Variants in FANCI observed in about 807,000 individuals in gnomAD.
FANCI encodes FA complementation group I.
In FANCI, 156 loss-of-function variants were observed where a neutral mutation model predicts 176.1. The ratio of observed to expected loss-of-function variants is 0.89; its 90% CI spans 0.78 to 1.01. The LOEUF (loss-of-function observed/expected upper bound fraction) is 1.01, where lower values mean the gene tolerates loss of function less well. FANCI is among the 50% of genes least tolerant of loss of function. The pLI is 0.00. For synonymous variants in FANCI, 613 were observed against 541.7 expected, an observed-to-expected ratio of 1.13 and a Z score of -1.83; for missense variants, 1,678 against 1,534.1, an observed-to-expected ratio of 1.09 and a Z score of -1.57.
At chr15:89,286,612 G>T (rs563042492) in intron 18 of FANCI, among the ~76,000 whole-genome samples, 2 of 152,066 alleles carry the variant, frequency 1.3e-5, no homozygotes, top group Non-Finnish European at 2.9e-5. Flanking sequence ...AGCAAACCAT[G>T]CTATAAACAG....
chr15:89,313,971 A>C (rs1424393656), intron 35 of FANCI, among the ~76,000 whole-genome samples: 1 of 140,014 alleles, frequency 7.1e-6, no homozygotes, highest in Non-Finnish European at 1.5e-5. Context: ...AAAGATATAT[A>C]ATCACACACA....
In FANCI at chr15:89,293,083, C is replaced by A. The variant is rs755079647; in HGVS notation, c.2291+20C>A. On this transcript the variant is annotated intron_variant, in intron 22 of 37. Coordinates refer to ENST00000310775, the MANE Select transcript of FANCI (RefSeq NM_001113378.2). Reference sequence around the variant, plus strand: ...TTTCAGGTAAGGTTTTGCTATAACTCCATTTGTAATTTGATGAATTCTCCA... The same window carrying A: ...TTTCAGGTAAGGTTTTGCTATAACTACATTTGTAATTTGATGAATTCTCCA... The A allele has an allele frequency of 8.7e-6, 14 of 1,611,228 alleles. No individual in the cohort carries two copies. In the East Asian group the frequency reaches 3.1e-4, roughly 36 times the overall value.
At chr15:89,296,485 A>G (rs1288287594) in intron 24 of FANCI, among the ~76,000 whole-genome samples, 1 of 151,978 alleles carries the variant, frequency 6.6e-6, no homozygotes, top group Non-Finnish European at 1.5e-5. Flanking sequence ...GACACAGCAC[A>G]TGTTTCAGAG....
At chr15:89,253,401 CACTTTGGGAGG>C (rs2052347346) in intron 2 of FANCI, among the ~76,000 whole-genome samples, 1 of 152,028 alleles carries the variant, frequency 6.6e-6, no homozygotes, top group Admixed American at 6.6e-5. Context: ...GTAATCCCAG[CACTTTGGGAGG>C]CTGAGGTGGG....
chr15:89,315,127 T>A (rs2055173590), intron 36 of FANCI, among the ~76,000 whole-genome samples, 155 bp from the exon 37 acceptor site: 1 of 152,134 alleles, frequency 6.6e-6, no homozygotes, highest in South Asian at 2.1e-4. Context: ...GTTCTTGATC[T>A]GATGACCTGA....
intron 24 of FANCI, among the ~76,000 whole-genome samples, chr15:89,299,064 C>A (rs2054426945): frequency 6.6e-6 from 1 of 151,808 alleles, no homozygotes; most frequent in Admixed American, 6.6e-5. Flanking sequence ...GTCCCAGCTA[C>A]TCAGGAAGCT....
Position 89,292,723 on chromosome 15 carries a change from C to A in FANCI, c.2028C>A (p.Ala676=). The A allele has an allele frequency of 6.2e-7, 1 of 1,613,690 alleles. No individual in the cohort carries two copies. The highest frequency in any genetic ancestry group is 8.5e-7 in the Non-Finnish European group (1 of 1,179,938). Residue 676 remains alanine (A), a synonymous_variant, in exon 21 of 38, where the codon GCC becomes GCA. Transcript: ENST00000310775. ...TGTGTTGTATTCAGCATTGTTTGGC[C>A]TGGTATAAGAATACAGTCATACCCT... ...YLLCCIQHCL[A]WYKNTVIPLQ... is the part of the protein sequence containing the mutation.
chr15:89,260,053 A>G (rs1350522525), intron 3 of FANCI, among the ~76,000 whole-genome samples: 2 of 152,070 alleles, frequency 1.3e-5, no homozygotes, highest in African/African-American at 4.8e-5. Flanking sequence ...GAAACCGCCA[A>G]ACTGTTTTCC....
intron 24 of FANCI, among the ~76,000 whole-genome samples, chr15:89,295,858 C>G (rs952297753): frequency 1.3e-5 from 2 of 151,954 alleles, no homozygotes; most frequent in African/African-American, 4.8e-5. Flanking sequence ...ACTACAACCC[C>G]TTCCTCCGAG....
intron 10 of FANCI, among the ~76,000 whole-genome samples, chr15:89,269,133 C>T (rs1436079915): frequency 6.6e-6 from 1 of 152,176 alleles, no homozygotes; most frequent in East Asian, 1.9e-4. Context: ...GTTCCCTTCA[C>T]CTAGATTGAC....
At chr15:89,312,559 C>T (rs1461701416) in intron 34 of FANCI, among the ~76,000 whole-genome samples, 1 of 152,192 alleles carries the variant, frequency 6.6e-6, no homozygotes, top group Non-Finnish European at 1.5e-5. Flanking sequence ...GTGGCTTAGG[C>T]CTGTAATCCC....
chr15:89,250,201 C>T (rs1295332507), intron 2 of FANCI, among the ~76,000 whole-genome samples: 2 of 152,134 alleles, frequency 1.3e-5, no homozygotes, highest in African/African-American at 2.4e-5. Context: ...TGGGTATATA[C>T]CCAAAGGACT....
rs764149820 is a variant in FANCI at position 89,299,974 on chromosome 15, T to C, written c.2803+8T>C. 3.7e-6 allele frequency: 6 copies of C among 1,613,736 alleles called. No individual in the cohort carries two copies. The highest frequency in any genetic ancestry group is 2.2e-5 in the East Asian group (1 of 44,864). On this transcript the variant is annotated splice_region_variant and intron_variant, in intron 25 of 37. Transcript: ENST00000310775. The stretch of plus-strand genomic sequence containing the variant: ...AGTTTCTCAGAGCTCTGGGTAAGCA[T>C]TGCAGTATCAATAAATAGGCTTGAT...
intron 34 of FANCI, among the ~76,000 whole-genome samples, chr15:89,308,574 A>C (rs1596329687): frequency 6.6e-6 from 1 of 152,274 alleles, no homozygotes; most frequent in East Asian, 1.9e-4. Context: ...CCTCTGCATC[A>C]CTTACAGGCA....
At chr15:89,301,503 C>T in intron 27 of FANCI, 61 bp downstream of exon 27, 1 of 1,124,106 alleles carries the variant, frequency 8.9e-7, no homozygotes, top group Non-Finnish European at 1.4e-6. Flanking sequence ...ATTATTGCAT[C>T]ATAAAAGTGT....
rs200869762 is a variant in FANCI, at chr15:89,261,888, G to C, written c.503+10G>C. ...CCCTGTGTTCTGGCAGGTGAGTCTT[G>C]TTAATATGTATAACTTTCTTAGGAA... is the stretch of plus-strand genomic sequence containing the variant. On this transcript the variant is annotated intron_variant, in intron 6 of 37. Coordinates refer to ENST00000310775, the MANE Select transcript of FANCI (RefSeq NM_001113378.2). 3 of 1,608,696 alleles carry C rather than the reference G, an allele frequency of 1.9e-6. No homozygotes were observed. Among genetic ancestry groups the C allele is most frequent in the East Asian group, 4.5e-5 (2 of 44,356 alleles).
chr15:89,267,297 G>A (rs532916117), intron 9 of FANCI, among the ~76,000 whole-genome samples: 6 of 150,914 alleles, frequency 4.0e-5, no homozygotes, highest in Admixed American at 1.3e-4. Context: ...TCCATCCTGG[G>A]CAATGGGAGT....
rs1448880215 is a variant in FANCI, at chr15:89,307,643, C to T, written c.3622C>T (p.Leu1208=). ...GCTGTCTGGTTCTCATCTGACCCCC[C>T]TGTGTTATTCTTTCATTTCTTACGT... The part of the protein sequence containing the change: ...VKLSGSHLTP[L]CYSFISYVQN... Residue 1208 remains leucine (L), a synonymous_variant, in exon 34 of 38, where the codon CTG becomes TTG. Transcript: ENST00000310775. The T allele has an allele frequency of 3.7e-6, 6 of 1,614,098 alleles. No individual in the cohort carries two copies. Among genetic ancestry groups the T allele is most frequent in the Non-Finnish European group, 5.1e-6 (6 of 1,179,988 alleles).
chr15:89,287,911 C>G (rs1254300803), intron 18 of FANCI, among the ~76,000 whole-genome samples: 2 of 151,732 alleles, frequency 1.3e-5, no homozygotes, highest in South Asian at 2.1e-4. Context: ...ATAGTAATGT[C>G]AAAGATCATT....
Sources: allele counts gnomAD v4.1 joint callset (sites outside exome capture counted in the v4.1 genomes callset), GRCh38; gene constraint gnomAD v4.1.1; transcripts MANE v1.5; gene names NCBI Gene and HGNC (gene_info 2026-07-23, HGNC 2026-07-21).